Variants in SPATA6 observed in about 807,000 individuals in gnomAD.
SPATA6 encodes the protein spermatogenesis-associated protein 6.
SPATA6 carries 56 observed loss-of-function variants against 65.3 expected under a neutral mutation model. The observed-to-expected ratio is 0.86, with a 90% CI of 0.69 to 1.07. The LOEUF (loss-of-function observed/expected upper bound fraction) is 1.07, where lower values mean the gene tolerates loss of function less well. Among genes scored for constraint, SPATA6 ranks in the 50% least tolerant of loss-of-function variants. The pLI is 0.00. For missense variants in SPATA6, 590 were observed against 594.8 expected, an observed-to-expected ratio of 0.99 and a Z score of 0.08; for synonymous variants, 199 against 213.2, an observed-to-expected ratio of 0.93 and a Z score of 0.58.
chr1:48,287,822 G>A, the SPATA6 span, among the ~76,000 whole-genome samples: 1 of 152,164 alleles, frequency 6.6e-6, no homozygotes, highest in African/African-American at 2.4e-5. Flanking sequence ...CTAACACACT[G>A]GGACTTCCAG....
chr1:48,462,322 T>C (rs151334453), intron 1 of SPATA6, among the ~76,000 whole-genome samples: 2,171 of 152,184 alleles, frequency 0.014, 51 homozygotes, highest in African/African-American at 0.05. Flanking sequence ...TGTGCACATG[T>C]ACCCTAAAAC....
At chr1:48,333,750 A>G (rs1428609068) in intron 11 of SPATA6, among the ~76,000 whole-genome samples, 1 of 152,234 alleles carries the variant, frequency 6.6e-6, no homozygotes. Flanking sequence ...AACAAGAGCA[A>G]ACAAACTCTA....
At chr1:48,399,721 G>A in intron 6 of SPATA6, 77 bp from the exon 7 acceptor site, 1 of 1,338,818 alleles carries the variant, frequency 7.5e-7, no homozygotes, top group Non-Finnish European at 1.0e-6. Flanking sequence ...AAATTAAAAA[G>A]TAATTTAAAT....
At chr1:48,464,020 C>T (rs1245474739) in intron 1 of SPATA6, among the ~76,000 whole-genome samples, 1 of 151,750 alleles carries the variant, frequency 6.6e-6, no homozygotes, top group African/African-American at 2.4e-5. Context: ...TCCCAAATAA[C>T]TCAACATTCA....
At chr1:48,417,137 CAAGAA>C (rs1652854542) in intron 3 of SPATA6, among the ~76,000 whole-genome samples, 1 of 152,012 alleles carries the variant, frequency 6.6e-6, no homozygotes. Context: ...GATTTAACAA[CAAGAA>C]AAGAGAAACT....
chr1:48,304,075 C>A (rs903647793), intron 12 of SPATA6, among the ~76,000 whole-genome samples: 2 of 152,120 alleles, frequency 1.3e-5, no homozygotes, highest in Admixed American at 6.6e-5. Flanking sequence ...GTTCCTCTAA[C>A]CTTTGAGATG....
At chr1:48,334,718 C>T (rs566540074) in intron 11 of SPATA6, among the ~76,000 whole-genome samples, 146 of 152,214 alleles carry the variant, frequency 9.6e-4, no homozygotes, top group African/African-American at 3.4e-3. Flanking sequence ...ACTTGAAAAT[C>T]GGCATAAGAC....
intron 5 of SPATA6, among the ~76,000 whole-genome samples, chr1:48,411,066 TATC>T (rs1476567520): frequency 6.6e-6 from 1 of 152,184 alleles, no homozygotes; most frequent in African/African-American, 2.4e-5. Flanking sequence ...AAATGTTTAT[TATC>T]ATCCCTTAGA....
chr1:48,290,076 A>C, the SPATA6 span, among the ~76,000 whole-genome samples: 8 of 152,360 alleles, frequency 5.3e-5, 1 homozygote, highest in South Asian at 1.2e-3. Context: ...GAAATGAAGG[A>C]AAAAATGTTA....
At chr1:48,348,031 C>G (rs1031349014) in intron 11 of SPATA6, among the ~76,000 whole-genome samples, 2 of 152,008 alleles carry the variant, frequency 1.3e-5, no homozygotes, top group South Asian at 2.1e-4. Flanking sequence ...CCTCCCATCT[C>G]CTCACTTGAC....
intron 11 of SPATA6, among the ~76,000 whole-genome samples, chr1:48,348,252 C>T (rs1311940079): frequency 6.6e-6 from 1 of 151,998 alleles, no homozygotes; most frequent in Non-Finnish European, 1.5e-5. Flanking sequence ...AGAAAGCAAG[C>T]TCTACTTCCT....
intron 8 of SPATA6, among the ~76,000 whole-genome samples, chr1:48,389,756 G>A (rs535629239): frequency 2.8e-4 from 42 of 152,264 alleles, no homozygotes; most frequent in African/African-American, 1.0e-3. Context: ...TTCATCACCA[G>A]TAAGCCAGCC....
At chr1:48,447,427 G>GAGAATCAC (rs1258222954) in intron 3 of SPATA6, among the ~76,000 whole-genome samples, 1 of 152,160 alleles carries the variant, frequency 6.6e-6, no homozygotes, top group African/African-American at 2.4e-5. Context: ...GCTGAGGCAG[G>GAGAATCAC]AGAATCACTT....
chr1:48,378,362 G>T (rs1648164123), intron 9 of SPATA6, among the ~76,000 whole-genome samples: 1 of 152,164 alleles, frequency 6.6e-6, no homozygotes, highest in South Asian at 2.1e-4. Flanking sequence ...AGATCACATG[G>T]TTTCCAAGCT....
chr1:48,404,657 T>TA (rs201375735), intron 5 of SPATA6, among the ~76,000 whole-genome samples: 2,576 of 151,924 alleles, frequency 0.017, 32 homozygotes, highest in Non-Finnish European at 0.021. Context: ...CATTAAAATT[T>TA]AAAAAAAACA....
chr1:48,398,657 T>G (rs1393078959), intron 7 of SPATA6, among the ~76,000 whole-genome samples: 1 of 151,792 alleles, frequency 6.6e-6, no homozygotes, highest in Admixed American at 6.6e-5. Flanking sequence ...GTAAAAATAC[T>G]TCATAGAAAT....
chr1:48,375,852 T>C (rs956383855), intron 9 of SPATA6, among the ~76,000 whole-genome samples: 1 of 152,132 alleles, frequency 6.6e-6, no homozygotes, highest in Non-Finnish European at 1.5e-5. Flanking sequence ...AATGGCAACT[T>C]TGGATAATTT....
intron 3 of SPATA6, chr1:48,436,687 GATTT>G: frequency 6.2e-7 from 1 of 1,614,174 alleles, no homozygotes; most frequent in Non-Finnish European, 8.5e-7. Context: ...ACTGAGACAG[GATTT>G]ACATGGGTAT....
intron 8 of SPATA6, among the ~76,000 whole-genome samples, chr1:48,393,500 C>G (rs1217989840): frequency 3.3e-5 from 5 of 152,080 alleles, no homozygotes; most frequent in Admixed American, 2.6e-4. Context: ...GATGATATTT[C>G]TTTTGCTATA....
Sources: allele counts gnomAD v4.1 joint callset (sites outside exome capture counted in the v4.1 genomes callset), GRCh38; gene constraint gnomAD v4.1.1; transcripts MANE v1.5; gene names NCBI Gene and HGNC (gene_info 2026-07-23, HGNC 2026-07-21).